WWOX: variants seen among roughly 807,000 people sequenced by gnomAD.
WWOX encodes the protein WW domain-containing oxidoreductase.
WWOX carries 69 observed loss-of-function variants against 46.2 expected under a neutral mutation model. The observed-to-expected ratio is 1.49, with a 90% CI of 1.23 to 1.82. The LOEUF (loss-of-function observed/expected upper bound fraction) is 1.82. Ranked by LOEUF, WWOX falls within the 40% of genes most tolerant of loss-of-function variation. The pLI is 0.00. For missense variants in WWOX, 919 were observed against 542.6 expected, an observed-to-expected ratio of 1.69 and a Z score of -6.89; for synonymous variants, 359 against 202.6, an observed-to-expected ratio of 1.77 and a Z score of -6.56.
intron 8 of WWOX, among the ~76,000 whole-genome samples, chr16:78,782,198 C>T (rs1199720974): frequency 6.6e-6 from 1 of 152,188 alleles, no homozygotes; most frequent in African/African-American, 2.4e-5. Flanking sequence ...CCTCTTCAGG[C>T]CACCTATCCC....
chr16:78,483,758 A>G (rs770062303), intron 8 of WWOX, among the ~76,000 whole-genome samples: 25 of 152,242 alleles, frequency 1.6e-4, no homozygotes, highest in Non-Finnish European at 3.4e-4. Flanking sequence ...GTGATAAAAT[A>G]TCACACCTTT....
At chr16:78,629,763 G>A (rs947674348) in intron 8 of WWOX, among the ~76,000 whole-genome samples, 2 of 151,966 alleles carry the variant, frequency 1.3e-5, no homozygotes, top group Non-Finnish European at 2.9e-5. Context: ...CTTTCTCTGG[G>A]GTGCAGGGGT....
chr16:79,150,416 A>C (rs1308150749), intron 8 of WWOX, among the ~76,000 whole-genome samples: 2 of 152,196 alleles, frequency 1.3e-5, no homozygotes, highest in Non-Finnish European at 2.9e-5. Context: ...ACTACCAGGT[A>C]GGTAGAATAA....
At chr16:78,734,582 C>G (rs904905586) in intron 8 of WWOX, among the ~76,000 whole-genome samples, 3 of 152,034 alleles carry the variant, frequency 2.0e-5, no homozygotes, top group Admixed American at 6.6e-5. Flanking sequence ...GTAACTGAAC[C>G]TGATGGTTAG....
chr16:78,260,435 C>T (rs1156679978), intron 5 of WWOX, among the ~76,000 whole-genome samples: 2 of 151,536 alleles, frequency 1.3e-5, no homozygotes, highest in Admixed American at 6.6e-5. Context: ...GAGGCCAAGG[C>T]GGGCAGATCA....
chr16:78,466,339 C>T (rs72799932), intron 8 of WWOX, among the ~76,000 whole-genome samples: 4,170 of 152,106 alleles, frequency 0.027, 172 homozygotes, highest in South Asian at 0.2. Flanking sequence ...CTATTGGGTA[C>T]AAGTTTCCTT....
rs1250804853 is a variant in WWOX at position 78,405,235 on chromosome 16, T to G, written c.605+18287T>G. Among the ~76,000 whole-genome samples, 3 of 152,218 alleles carry G rather than the reference T, an allele frequency of 2.0e-5. No homozygotes were observed. The South Asian group carries it at 6.2e-4, about 31-fold the overall frequency. ...GCAAATGGTGCATGAAATGAAAAAT[T>G]CCTGGTGGTCTCCAGGGGACACAGC... On this transcript the variant is annotated intron_variant, in intron 6 of 8. Transcript: ENST00000566780.
chr16:78,783,277 C>G (rs1195902320), intron 8 of WWOX, among the ~76,000 whole-genome samples: 1 of 152,180 alleles, frequency 6.6e-6, no homozygotes, highest in African/African-American at 2.4e-5. Flanking sequence ...GTTAAGCTCT[C>G]CTTACAGTGT....
chr16:78,534,709 T>A (rs150416831), intron 8 of WWOX, among the ~76,000 whole-genome samples: 2 of 152,170 alleles, frequency 1.3e-5, no homozygotes, highest in East Asian at 1.9e-4. Flanking sequence ...TCTTTTTATT[T>A]TTTTATTTCA....
chr16:79,019,188 A>AAAAGT (rs774177787), intron 8 of WWOX, among the ~76,000 whole-genome samples: 1 of 60,938 alleles, frequency 1.6e-5, no homozygotes, highest in Admixed American at 1.9e-4. Context: ...AAAAAAAAGA[A>AAAAGT]AAAAAAAAGT....
intron 8 of WWOX, among the ~76,000 whole-genome samples, chr16:78,940,211 G>A (rs796221506): frequency 5.9e-5 from 9 of 152,106 alleles, no homozygotes; most frequent in African/African-American, 1.9e-4. Flanking sequence ...TTATAAATTC[G>A]AGTAACAGAA....
chr16:78,805,945 C>T (rs908035278), intron 8 of WWOX, among the ~76,000 whole-genome samples: 2 of 152,106 alleles, frequency 1.3e-5, no homozygotes, highest in African/African-American at 4.8e-5. Context: ...GGAATAACAC[C>T]CAATGCCACC....
intron 8 of WWOX, among the ~76,000 whole-genome samples, chr16:78,821,979 C>A (rs959814983): frequency 5.9e-5 from 9 of 152,136 alleles, no homozygotes; most frequent in African/African-American, 1.9e-4. Flanking sequence ...CAGGCTCAAG[C>A]GATCCTTCTG....
intron 8 of WWOX, among the ~76,000 whole-genome samples, chr16:78,540,701 A>C (rs2043870738): frequency 6.6e-6 from 1 of 152,018 alleles, no homozygotes; most frequent in East Asian, 1.9e-4. Flanking sequence ...TTTGTTAAAA[A>C]AAAAAAATGG....
intron 5 of WWOX, among the ~76,000 whole-genome samples, chr16:78,249,460 A>G (rs1003671302): frequency 3.3e-5 from 5 of 152,160 alleles, no homozygotes; most frequent in Admixed American, 2.0e-4. Context: ...TTTCTCCTTT[A>G]TTTTAAATGT....
intron 8 of WWOX, among the ~76,000 whole-genome samples, chr16:78,603,432 T>G (rs2151620012): frequency 6.6e-6 from 1 of 152,326 alleles, no homozygotes; most frequent in East Asian, 1.9e-4. Flanking sequence ...CAGTGCCTCA[T>G]GCCTGCAATC....
rs191827678 is a variant in WWOX at position 79,211,212 on chromosome 16, C to T, written c.1057-396C>T. Reference sequence around the variant, plus strand: ...TTTGTCAGACAGAAGGTTCTACAAACGATTTGGTATCGAATTACATTATAC... The same window carrying T: ...TTTGTCAGACAGAAGGTTCTACAAATGATTTGGTATCGAATTACATTATAC... On this transcript the variant is annotated intron_variant, in intron 8 of 8. Transcript: ENST00000566780. Among the ~76,000 whole-genome samples, 8 of 152,190 alleles carry T rather than the reference C, an allele frequency of 5.3e-5. No homozygotes were observed. In the East Asian group the frequency reaches 5.8e-4, roughly 11 times the overall value.
intron 8 of WWOX, among the ~76,000 whole-genome samples, chr16:78,733,594 A>G (rs567741953): frequency 1.7e-3 from 251 of 151,534 alleles, no homozygotes; most frequent in Non-Finnish European, 2.3e-3. Context: ...GAAAATACAA[A>G]AAAAAAAAAA....
At chr16:78,413,686 G>A (rs1033427512) in intron 6 of WWOX, among the ~76,000 whole-genome samples, 1 of 151,900 alleles carries the variant, frequency 6.6e-6, no homozygotes, top group African/African-American at 2.4e-5. Context: ...GGCTTAGCCT[G>A]GGCTCAGAGG....
Sources: gnomAD v4.1 joint callset for allele counts (sites outside exome capture counted in the v4.1 genomes callset) on GRCh38, gnomAD v4.1.1 for gene constraint, MANE v1.5 for transcripts, NCBI Gene and HGNC (gene_info 2026-07-23, HGNC 2026-07-21) for gene names.